The following CNIH3 variants were observed in gnomAD, a reference collection of about 807,000 sequenced individuals.
CNIH3 encodes the protein cornichon family AMPA receptor auxiliary protein 3, also known as protein cornichon homolog 3.
Under a neutral mutation model 24.1 loss-of-function variants are expected in CNIH3, and 14 were observed. The observed-to-expected ratio is 0.58, with a 90% CI of 0.38 to 0.91. CNIH3 has a LOEUF of 0.91. CNIH3 is among the 40% of genes least tolerant of loss of function. The pLI, the probability that CNIH3 is intolerant of heterozygous loss-of-function variation, is 0.00. For missense variants in CNIH3, 178 were observed against 196.8 expected, an observed-to-expected ratio of 0.90 and a Z score of 0.57; for synonymous variants, 68 against 73.8, an observed-to-expected ratio of 0.92 and a Z score of 0.40.
At chr1:224,547,594 G>A (rs1204561925) in intron 3 of CNIH3, among the ~76,000 whole-genome samples, 1 of 150,540 alleles carries the variant, frequency 6.6e-6, no homozygotes, top group Non-Finnish European at 1.5e-5. Context: ...TAAGGGAGAT[G>A]TTACTCCTAA....
chr1:224,714,069 CT>C (rs1688301211), intron 3 of CNIH3, among the ~76,000 whole-genome samples: 1 of 152,206 alleles, frequency 6.6e-6, no homozygotes, highest in South Asian at 2.1e-4. Context: ...CCCCACTTGG[CT>C]TCCCAAAGTG....
intron 3 of CNIH3, among the ~76,000 whole-genome samples, chr1:224,561,408 T>A (rs187280038): frequency 6.6e-6 from 1 of 152,270 alleles, no homozygotes; most frequent in African/African-American, 2.4e-5. Flanking sequence ...GGGAGTCAAG[T>A]TTCAGTTTTT....
At chr1:224,716,810 A>G (rs1391800914) in intron 3 of CNIH3, among the ~76,000 whole-genome samples, 2 of 151,934 alleles carry the variant, frequency 1.3e-5, no homozygotes, top group African/African-American at 2.4e-5. Context: ...TCACCTAGGG[A>G]GTGGGTGTAA....
intron 1 of CNIH3, among the ~76,000 whole-genome samples, chr1:224,637,544 A>G (rs142346845): frequency 1.0e-3 from 155 of 152,302 alleles, no homozygotes; most frequent in African/African-American, 3.6e-3. Flanking sequence ...GGAGCTGTTT[A>G]GTACTGGCCC....
At chr1:224,578,803 CTTCTCCGTCT>C (rs1249837622) in intron 4 of CNIH3, among the ~76,000 whole-genome samples, 3 of 152,172 alleles carry the variant, frequency 2.0e-5, no homozygotes, top group African/African-American at 7.2e-5. Context: ...TTGAAACTCC[CTTCTCCGTCT>C]TTCTCCTCTT....
chr1:224,663,829 C>T (rs910919077), intron 1 of CNIH3, among the ~76,000 whole-genome samples: 1 of 152,016 alleles, frequency 6.6e-6, no homozygotes, highest in East Asian at 1.9e-4. Context: ...AGAGAGAGAC[C>T]GAAATTTACC....
intron 1 of CNIH3, among the ~76,000 whole-genome samples, chr1:224,506,267 ACACGCGCG>A (rs895891905): frequency 2.4e-4 from 17 of 69,716 alleles, no homozygotes; most frequent in African/African-American, 7.3e-4. Context: ...ATATGCACGC[ACACGCGCG>A]CGCGCGCGCG....
intron 1 of CNIH3, among the ~76,000 whole-genome samples, chr1:224,654,049 C>T (rs978726908): frequency 2.0e-4 from 30 of 151,640 alleles, no homozygotes; most frequent in African/African-American, 7.0e-4. Context: ...CCACTGTGCT[C>T]CAGCCTGGAC....
chr1:224,673,952 A>G (rs1029195541), intron 1 of CNIH3, among the ~76,000 whole-genome samples: 3 of 152,220 alleles, frequency 2.0e-5, no homozygotes, highest in Non-Finnish European at 1.5e-5. Flanking sequence ...CTCATTCATC[A>G]TGCAAGGTAA....
At chr1:224,568,819 A>G (rs745427526) in intron 4 of CNIH3, among the ~76,000 whole-genome samples, 6 of 152,206 alleles carry the variant, frequency 3.9e-5, no homozygotes, top group African/African-American at 7.2e-5. Context: ...GATGCCCTGT[A>G]GAATCTGTCT....
intron 1 of CNIH3, among the ~76,000 whole-genome samples, chr1:224,660,278 TC>T (rs1468338366): frequency 6.6e-6 from 1 of 151,994 alleles, no homozygotes; most frequent in African/African-American, 2.4e-5. Context: ...CAAAGAGAGA[TC>T]AGATCTCGTG....
intron 3 of CNIH3, among the ~76,000 whole-genome samples, chr1:224,702,512 GGGTGCAGGCTGGCCT>G (rs1687553662): frequency 6.6e-6 from 1 of 152,270 alleles, no homozygotes; most frequent in African/African-American, 2.4e-5. Context: ...GGATGCTCCA[GGGTGCAGGCTGGCCT>G]GTTGCAGAGG....
chr1:224,693,862 T>C (rs991331537), intron 3 of CNIH3, among the ~76,000 whole-genome samples: 1 of 152,248 alleles, frequency 6.6e-6, no homozygotes, highest in Non-Finnish European at 1.5e-5. Flanking sequence ...CCTCTGGAGA[T>C]GTTTCAACAT....
intron 2 of CNIH3, among the ~76,000 whole-genome samples, chr1:224,535,706 A>G (rs1297126366): frequency 1.3e-5 from 2 of 152,194 alleles, no homozygotes; most frequent in African/African-American, 2.4e-5. Flanking sequence ...AGATGTGAAC[A>G]GGGGTGAGGG....
At chr1:224,468,993 CTTT>C (rs985194007) in intron 1 of CNIH3, among the ~76,000 whole-genome samples, 1 of 145,122 alleles carries the variant, frequency 6.9e-6, no homozygotes. Context: ...GTTTGTGAAA[CTTT>C]TTTTTTTTTG....
At chr1:224,564,736 C>G (rs1680510769) in intron 3 of CNIH3, among the ~76,000 whole-genome samples, 1 of 152,252 alleles carries the variant, frequency 6.6e-6, no homozygotes, top group Non-Finnish European at 1.5e-5. Context: ...CCTCAATGCA[C>G]TCTGCCAGCT....
At chr1:224,480,960 T>C (rs1676783835) in intron 1 of CNIH3, among the ~76,000 whole-genome samples, 1 of 152,240 alleles carries the variant, frequency 6.6e-6, no homozygotes, top group Non-Finnish European at 1.5e-5. Context: ...TTTACTGTAT[T>C]AGTTTATTTT....
rs116647984 is a variant in CNIH3, at chr1:224,567,822, G to A, written n.516+1558G>A. On this transcript the variant is annotated intron_variant and non_coding_transcript_variant, in intron 4 of 5. Transcript: ENST00000471578. The stretch of plus-strand genomic sequence containing the variant: ...GTTGTAGATGTTTATTTTTAGTTCA[G>A]TTGGCATAAATGACCCCACTGGGAT... Among the ~76,000 whole-genome samples the A allele has an allele frequency of 3.2e-3, 489 of 152,270 alleles. 1 individual carries two copies. The highest frequency in any genetic ancestry group is 0.011 in the African/African-American group (453 of 41,554).
At chr1:224,702,964 G>A (rs754766092) in intron 3 of CNIH3, among the ~76,000 whole-genome samples, 2 of 152,236 alleles carry the variant, frequency 1.3e-5, no homozygotes, top group African/African-American at 2.4e-5. Flanking sequence ...TGGTTGTAAG[G>A]GCTAGCTTTT....
Sources: gnomAD v4.1 joint callset for allele counts (sites outside exome capture counted in the v4.1 genomes callset) on GRCh38, gnomAD v4.1.1 for gene constraint, MANE v1.5 for transcripts, NCBI Gene and HGNC (gene_info 2026-07-23, HGNC 2026-07-21) for gene names.